The following RYR1 variants were observed in gnomAD, a reference collection of about 807,000 sequenced individuals.
RYR1 encodes ryanodine receptor 1, also known as central core disease of muscle.
Under a neutral mutation model 583.5 loss-of-function variants are expected in RYR1, and 342 were observed. The observed-to-expected ratio is 0.59, with a 90% CI of 0.54 to 0.64. The LOEUF (loss-of-function observed/expected upper bound fraction) is 0.64, where lower values mean the gene tolerates loss of function less well. Among genes scored for constraint, RYR1 ranks in the 30% least tolerant of loss-of-function variants. The probability of loss-of-function intolerance (pLI) is 0.00; values close to 1 mark genes in which losing one functional copy is unlikely to be tolerated. For synonymous variants in RYR1, 2,791 were observed against 2,822.5 expected, an observed-to-expected ratio of 0.99 and a Z score of 0.35; for missense variants, 6,032 against 6,917.2, an observed-to-expected ratio of 0.87 and a Z score of 4.54.
At chr19:38,467,871 T>C in intron 25 of RYR1, 59 bp downstream of exon 25, 1 of 1,549,876 alleles carries the variant, frequency 6.5e-7, no homozygotes, top group Non-Finnish European at 8.8e-7. Context: ...ACAGCTTGTC[T>C]ACTCTGGCCC....
chr19:38,440,410 A>G (rs1225056678), intron 1 of RYR1, among the ~76,000 whole-genome samples: 1 of 152,184 alleles, frequency 6.6e-6, no homozygotes, highest in Non-Finnish European at 1.5e-5. Context: ...GTGGTGGTGC[A>G]CGCTTGTAAT....
At chr19:38,466,069 T>C (rs771309595) in intron 23 of RYR1, 22 bp from the exon 24 acceptor site, 18 of 1,595,066 alleles carry the variant, frequency 1.1e-5, no homozygotes, top group South Asian at 2.3e-5. Flanking sequence ...CCTTGTCCCA[T>C]GGAGCCCTAC....
intron 58 of RYR1, 104 bp downstream of exon 58, chr19:38,507,931 C>T (rs1970553622): frequency 1.9e-6 from 1 of 514,488 alleles, no homozygotes; most frequent in Non-Finnish European, 3.4e-6. Context: ...TCCGTCCTCC[C>T]CTTATCTGAT....
chr19:38,471,156 G>T (rs2145472645), intron 27 of RYR1, among the ~76,000 whole-genome samples: 1 of 152,350 alleles, frequency 6.6e-6, no homozygotes, highest in East Asian at 1.9e-4. Context: ...TGGTTACTAT[G>T]AAAGAATAAC....
rs1184531632 is a variant in RYR1 at position 38,500,783 on chromosome 19, C to T, written c.7445-38C>T. On this transcript the variant is annotated intron_variant, in intron 46 of 105. Coordinates refer to ENST00000359596, the MANE Select transcript of RYR1 (RefSeq NM_000540.3). The surrounding 1 kb of genome is among the most constrained non-coding windows in gnomAD (Gnocchi z 5.9). ...GATGCTGGGGAGGGAGCGGCTGGGTCCGCAGGGCATCCCCGAACCCACCCT... is the reference window on the plus strand; with the variant it reads ...GATGCTGGGGAGGGAGCGGCTGGGTTCGCAGGGCATCCCCGAACCCACCCT... The T allele has an allele frequency of 1.2e-6, 2 of 1,613,814 alleles. No homozygotes were observed. Among genetic ancestry groups the T allele is most frequent in the Non-Finnish European group, 1.7e-6 (2 of 1,180,002 alleles).
In RYR1 at chr19:38,433,752, C is replaced by T. The variant is rs1972300222; in HGVS notation, c.-78C>T. 4 of 701,322 alleles carry T rather than the reference C, an allele frequency of 5.7e-6. No homozygotes were observed. In the Admixed American group the frequency reaches 7.6e-5, roughly 13 times the overall value. The allele number at this position is 701,322 out of a possible 1,614,324, so 43.4% of individuals were successfully genotyped here. On this transcript the variant is annotated 5_prime_UTR_variant, in exon 1 of 106. Transcript: ENST00000359596. ...CCAGAGGTCTCCGACCCCAGCCCGCCCCCAGCCCTCCCGCCCAGCCCGCAG... is the reference window on the plus strand; with the variant it reads ...CCAGAGGTCTCCGACCCCAGCCCGCTCCCAGCCCTCCCGCCCAGCCCGCAG...
In RYR1 at chr19:38,561,806, C is replaced by G. The variant is rs1274371357; in HGVS notation, c.12624+352C>G. Reference sequence around the variant, plus strand: ...CTTATAGCCCTGATGCAGCCCTACCCACACTCTCACCTCCTCGAACCTGCA... The same window carrying G: ...CTTATAGCCCTGATGCAGCCCTACCGACACTCTCACCTCCTCGAACCTGCA... On this transcript the variant is annotated intron_variant, in intron 90 of 105. Transcript: ENST00000359596. This position sits in a 1 kb window ranked among gnomAD's most constrained non-coding sequence, Gnocchi z 4.8. Among the ~76,000 whole-genome samples the G allele has an allele frequency of 6.6e-6, 1 of 152,136 alleles. No individual in the cohort carries two copies. Among genetic ancestry groups the G allele is most frequent in the Non-Finnish European group, 1.5e-5 (1 of 68,000 alleles).
At chr19:38,566,150 A>G (rs372510745) in intron 91 of RYR1, among the ~76,000 whole-genome samples, 1 of 151,972 alleles carries the variant, frequency 6.6e-6, no homozygotes, top group African/African-American at 2.4e-5. Flanking sequence ...ATTAGAGGGC[A>G]GGAAAGACCA....
rs1969990478 is a variant in RYR1 at position 38,499,342 on chromosome 19, C to T, written c.7027+99C>T. 6.4e-7 allele frequency: 1 copy of T among 1,572,482 alleles called. No homozygotes were observed. Among genetic ancestry groups the T allele is most frequent in the Admixed American group, 1.7e-5 (1 of 59,826 alleles). ...TCGCACCCTGAGCCACAGATGGGGTCCAGGCAGGAATCCCTTCCAGCAGGC... is the reference window on the plus strand; with the variant it reads ...TCGCACCCTGAGCCACAGATGGGGTTCAGGCAGGAATCCCTTCCAGCAGGC... On this transcript the variant is annotated intron_variant, in intron 43 of 105. Coordinates refer to ENST00000359596, the MANE Select transcript of RYR1 (RefSeq NM_000540.3). The surrounding 1 kb of genome is among the most constrained non-coding windows in gnomAD (Gnocchi z 7.3).
chr19:38,466,465 ATC>A, intron 24 of RYR1, 67 bp downstream of exon 24: 2 of 1,294,932 alleles, frequency 1.5e-6, no homozygotes, highest in Non-Finnish European at 2.1e-6. Context: ...CCGATCCCTG[ATC>A]TCTGACCTGA....
chr19:38,582,569 T>C (rs1337703229), intron 101 of RYR1, among the ~76,000 whole-genome samples: 3 of 152,074 alleles, frequency 2.0e-5, no homozygotes, highest in African/African-American at 7.2e-5. Flanking sequence ...GAGGATTGCT[T>C]GAGCTTAGGA....
Position 38,440,847 on chromosome 19 carries a change from C to A in RYR1, c.148C>A (p.Pro50Thr). Reference protein sequence around the residue: ...GFGNRLCFLEPTSNAQNVPPD... With the variant: ...GFGNRLCFLETTSNAQNVPPD... The stretch of plus-strand genomic sequence containing the variant: ...CGGCAACCGCCTGTGCTTCCTGGAG[C>A]CCACTAGCAACGCGCAGGTCTGTGC... Residue 50 changes from proline to threonine, a missense_variant, in exon 2 of 106, where the codon CCC (proline) becomes ACC (threonine). This residue lies in a region of RYR1 where 71 missense variants were observed against 75.3 expected (regional missense o/e 0.94). Transcript: ENST00000359596. The A allele has an allele frequency of 6.2e-7, 1 of 1,611,884 alleles. No homozygotes were observed. Among genetic ancestry groups the A allele is most frequent in the South Asian group, 1.1e-5 (1 of 90,742 alleles).
At chr19:38,467,545 C>T in intron 24 of RYR1, 65 bp from the exon 25 acceptor site, 1 of 1,560,492 alleles carries the variant, frequency 6.4e-7, no homozygotes, top group Admixed American at 1.7e-5. Flanking sequence ...CTTCTACCAA[C>T]TTCTCGATGT....
At chr19:38,580,157 G>C (rs889266155) in intron 100 of RYR1, 29 bp downstream of exon 100, 1 of 1,613,940 alleles carries the variant, frequency 6.2e-7, no homozygotes, top group Non-Finnish European at 8.5e-7. Context: ...TGTGGGGCGT[G>C]GGCCAGCAGG....
intron 95 of RYR1, 127 bp downstream of exon 95, chr19:38,572,397 GT>G (rs1973761877): frequency 8.6e-7 from 1 of 1,166,672 alleles, no homozygotes; most frequent in African/African-American, 1.5e-5. Flanking sequence ...TAGGGTTGGG[GT>G]GAGGGCTGGG....
In RYR1 at chr19:38,468,984, G is replaced by A. The variant is rs1352060951; in HGVS notation, c.3400G>A (p.Gly1134Ser). The A allele has an allele frequency of 6.2e-7, 1 of 1,614,070 alleles. No homozygotes were observed. The highest frequency in any genetic ancestry group is 1.7e-5 in the Admixed American group (1 of 60,012). The part of the protein sequence containing the change: ...NGHRGQRWHL[G>S]SEPFGRPWQP... ...CTCACAGGGCCAGCGCTGGCACTTG[G>A]GCAGTGAACCATTTGGGCGCCCCTG... The change falls in exon 26 of 106, where the codon GGC becomes AGC. Residue 1134 changes from glycine to serine, a missense_variant. By Grantham distance (56) the Gly-to-Ser change is moderately conservative. This residue lies in a region of RYR1 where 2,627 missense variants were observed against 2,961.3 expected (regional missense o/e 0.89). Coordinates refer to ENST00000359596, the MANE Select transcript of RYR1 (RefSeq NM_000540.3).
At chr19:38,583,123 C>T (rs1974289032) in intron 101 of RYR1, among the ~76,000 whole-genome samples, 1 of 151,868 alleles carries the variant, frequency 6.6e-6, no homozygotes, top group African/African-American at 2.4e-5. Context: ...GTGGTGAAAC[C>T]CTGTCTCCAC....
chr19:38,437,265 G>A (rs1972469866), intron 1 of RYR1, among the ~76,000 whole-genome samples: 1 of 151,908 alleles, frequency 6.6e-6, no homozygotes, highest in African/African-American at 2.4e-5. Flanking sequence ...TGGCCAGGCT[G>A]GTCTCGAACT....
At chr19:38,495,021 T>C (rs973892545) in intron 39 of RYR1, among the ~76,000 whole-genome samples, 1 of 151,848 alleles carries the variant, frequency 6.6e-6, no homozygotes, top group Admixed American at 6.6e-5. Flanking sequence ...CCAGGCTAAT[T>C]TTTTATATTT....
Sources: gnomAD v4.1 joint callset for allele counts (sites outside exome capture counted in the v4.1 genomes callset) on GRCh38, gnomAD v4.1.1 for gene constraint, gnomAD v4.1.1 regional missense constraint, Gnocchi (gnomAD v3.1) non-coding constraint, MANE v1.5 for transcripts, NCBI Gene and HGNC (gene_info 2026-07-23, HGNC 2026-07-21) for gene names.